The following RBFOX1 variants were observed in gnomAD, a reference collection of about 807,000 sequenced individuals.
The protein encoded by RBFOX1 is RNA binding fox-1 homolog 1.
Under a neutral mutation model 57.7 loss-of-function variants are expected in RBFOX1, and 8 were observed. That is an observed-to-expected ratio of 0.14 (90% confidence interval 0.08 to 0.25). RBFOX1 has a LOEUF of 0.25. Ranked by LOEUF, RBFOX1 falls within the 10% of genes least tolerant of loss-of-function variation. RBFOX1 has a pLI of 1.00. For synonymous variants in RBFOX1, 326 were observed against 222.4 expected (o/e 1.47, Z -4.15); for missense variants, 611 against 548.5 (o/e 1.11, Z -1.14).
chr16:5,786,873 C>T (rs531095896), intron 3 of RBFOX1, among the ~76,000 whole-genome samples: 21 of 152,220 alleles, frequency 1.4e-4, no homozygotes, highest in Non-Finnish European at 2.2e-4. Context: ...TGGCAGCTTG[C>T]GCCTGTAATC....
intron 1 of RBFOX1, among the ~76,000 whole-genome samples, chr16:5,334,840 A>G (rs183866334): frequency 1.3e-5 from 2 of 151,742 alleles, no homozygotes; most frequent in East Asian, 3.9e-4. Context: ...ATCTTTAAGC[A>G]TGGACACATC....
chr16:6,770,201 G>T (rs190103885), intron 3 of RBFOX1, among the ~76,000 whole-genome samples: 9 of 152,256 alleles, frequency 5.9e-5, no homozygotes, highest in Admixed American at 5.9e-4. Flanking sequence ...GCAGTCATGG[G>T]TGAGAACTAC....
At chr16:6,095,589 A>T (rs1299758028) in intron 1 of RBFOX1, among the ~76,000 whole-genome samples, 1 of 152,188 alleles carries the variant, frequency 6.6e-6, no homozygotes, top group African/African-American at 2.4e-5. Context: ...GACGCCTCTA[A>T]CAAGTTTGAA....
rs542772886 is a variant in RBFOX1 at position 7,020,703 on chromosome 16, A to G, written c.-15-31354A>G. 9.7e-4 allele frequency among the ~76,000 whole-genome samples: 147 copies of G among 152,192 alleles called. 2 individuals are homozygous for G. The highest frequency in any genetic ancestry group is 3.4e-3 in the African/African-American group (143 of 41,492). On this transcript the variant is annotated intron_variant, in intron 3 of 15. Coordinates refer to ENST00000550418, the MANE Select transcript of RBFOX1 (RefSeq NM_018723.4). Reference sequence around the variant, plus strand: ...GTCTGTGTCATCACACTGCAGAGGGAAGAGGAAGAGGAGGAGGGAAATGTC... The same window carrying G: ...GTCTGTGTCATCACACTGCAGAGGGGAGAGGAAGAGGAGGAGGGAAATGTC...
intron 1 of RBFOX1, among the ~76,000 whole-genome samples, chr16:5,417,553 C>T (rs374471748): frequency 1.3e-5 from 2 of 151,934 alleles, no homozygotes; most frequent in Non-Finnish European, 2.9e-5. Context: ...GATTTCTTAC[C>T]CCTGGCTTAA....
intron 4 of RBFOX1, among the ~76,000 whole-genome samples, chr16:7,080,009 T>C (rs575926945): frequency 7.0e-6 from 1 of 143,016 alleles, no homozygotes; most frequent in African/African-American, 2.6e-5. Flanking sequence ...TGTATATATA[T>C]ATACATATAT....
chr16:6,703,020 C>A (rs1437707294), intron 3 of RBFOX1, among the ~76,000 whole-genome samples: 1 of 152,150 alleles, frequency 6.6e-6, no homozygotes, highest in Non-Finnish European at 1.5e-5. Context: ...ATCATATGGC[C>A]CTTGTCCTTT....
intron 5 of RBFOX1, among the ~76,000 whole-genome samples, chr16:7,563,728 A>C (rs2090997209): frequency 6.6e-6 from 1 of 152,162 alleles, no homozygotes; most frequent in Admixed American, 6.5e-5. Context: ...TCGGCCTCCC[A>C]AAGTGCTGGG....
intron 2 of RBFOX1, among the ~76,000 whole-genome samples, chr16:5,569,901 A>T (rs1484793051): frequency 6.6e-6 from 1 of 152,208 alleles, no homozygotes; most frequent in East Asian, 1.9e-4. Context: ...CTAGTCAAAG[A>T]ACAAGACGTA....
intron 1 of RBFOX1, among the ~76,000 whole-genome samples, chr16:5,340,907 G>A (rs571132141): frequency 6.6e-6 from 1 of 152,312 alleles, no homozygotes; most frequent in Non-Finnish European, 1.5e-5. Context: ...GTAAGTGGGA[G>A]GAGAGTGAGG....
In RBFOX1 at chr16:6,383,241, C is replaced by A. The variant is rs552025779; in HGVS notation, c.-64+66184C>A. ...AGCCTGGATGAAATAGATATCAAAT[C>A]TGAGTGACATTATTGCTGTTGTTAA... is the stretch of plus-strand genomic sequence containing the variant. On this transcript the variant is annotated intron_variant, in intron 2 of 15. Coordinates refer to ENST00000550418, the MANE Select transcript of RBFOX1 (RefSeq NM_018723.4). Among the ~76,000 whole-genome samples the A allele has an allele frequency of 2.0e-5, 3 of 152,338 alleles. No individual in the cohort carries two copies. In the South Asian group the frequency reaches 6.2e-4, roughly 32 times the overall value.
downstream of RBFOX1, among the ~76,000 whole-genome samples, chr16:5,605,109 T>C (rs2047522846): frequency 6.6e-6 from 1 of 152,228 alleles, no homozygotes; most frequent in Admixed American, 6.5e-5. Flanking sequence ...GCTTGTCCTT[T>C]CTGCTCTGGC....
chr16:7,304,252 G>T, intron 4 of RBFOX1: 1 of 983,628 alleles, frequency 1.0e-6, no homozygotes, highest in Non-Finnish European at 1.2e-6. Flanking sequence ...GAGAGACAGC[G>T]CGAGCCACCG....
chr16:5,591,782 T>C (rs7190040), intron 2 of RBFOX1, among the ~76,000 whole-genome samples: 29,941 of 152,068 alleles, frequency 0.2, 3,265 homozygotes, highest in East Asian at 0.32. Context: ...AATAATGGAA[T>C]TTATGTTGTT....
At chr16:7,215,604 A>G (rs1387965940) in intron 4 of RBFOX1, among the ~76,000 whole-genome samples, 1 of 152,100 alleles carries the variant, frequency 6.6e-6, no homozygotes, top group African/African-American at 2.4e-5. Flanking sequence ...CACATTCTAA[A>G]TTTACACCAT....
chr16:6,862,829 A>G (rs549979053), intron 3 of RBFOX1, among the ~76,000 whole-genome samples: 46 of 152,084 alleles, frequency 3.0e-4, no homozygotes, highest in Non-Finnish European at 1.0e-4. Context: ...TACTAAAAAT[A>G]CAAAAATTAG....
At chr16:5,643,845 A>G (rs934482153) in intron 3 of RBFOX1, among the ~76,000 whole-genome samples, 2 of 152,196 alleles carry the variant, frequency 1.3e-5, no homozygotes, top group South Asian at 2.1e-4. Flanking sequence ...TTCACGTGGG[A>G]TGGAGCTCAC....
At chr16:5,675,447 A>T (rs921217315) in intron 3 of RBFOX1, among the ~76,000 whole-genome samples, 2 of 152,186 alleles carry the variant, frequency 1.3e-5, no homozygotes, top group African/African-American at 4.8e-5. Flanking sequence ...TGTGAACAAT[A>T]GAGAACTCAG....
chr16:6,865,253 T>A (rs907726324), intron 3 of RBFOX1, among the ~76,000 whole-genome samples: 2 of 152,068 alleles, frequency 1.3e-5, no homozygotes, highest in Non-Finnish European at 1.5e-5. Context: ...TCCACCCGCC[T>A]TGGCCTCCCA....
Sources: gnomAD v4.1 joint callset for allele counts (sites outside exome capture counted in the v4.1 genomes callset) on GRCh38, gnomAD v4.1.1 for gene constraint, MANE v1.5 for transcripts, NCBI Gene and HGNC (gene_info 2026-07-23, HGNC 2026-07-21) for gene names.